ADAMTS3: variants seen among roughly 807,000 people sequenced by gnomAD.
ADAMTS3 encodes the protein A disintegrin and metalloproteinase with thrombospondin motifs 3.
A neutral mutation model predicts 129.0 loss-of-function variants in ADAMTS3; 73 were observed. That is an observed-to-expected ratio of 0.57 (90% CI 0.47 to 0.69). ADAMTS3 has a LOEUF of 0.69. ADAMTS3 is among the 30% of genes least tolerant of loss of function. The pLI is 0.00. For missense variants in ADAMTS3, 1,457 were observed against 1,514.5 expected (o/e 0.96, Z 0.63); for synonymous variants, 477 against 510.8 (o/e 0.93, Z 0.89).
intron 4 of ADAMTS3, among the ~76,000 whole-genome samples, chr4:72,399,873 T>C (rs1208270558): frequency 1.0e-5 from 1 of 95,776 alleles, no homozygotes; most frequent in African/African-American, 4.2e-5. Context: ...TGTGTATATA[T>C]ACACACACGG....
intron 3 of ADAMTS3, among the ~76,000 whole-genome samples, chr4:72,461,936 T>C (rs1718781867): frequency 6.6e-6 from 1 of 151,888 alleles, no homozygotes. Flanking sequence ...TCATCCTTTA[T>C]CGCTCCTTTC....
At chr4:72,519,931 C>T (rs1055990933) in intron 3 of ADAMTS3, among the ~76,000 whole-genome samples, 7 of 152,136 alleles carry the variant, frequency 4.6e-5, no homozygotes, top group Non-Finnish European at 7.4e-5. Context: ...TTAGAGTTTC[C>T]AGTTTTTCTG....
At position 72,473,256 on chromosome 4, in the gene ADAMTS3, C is replaced by T. The variant is rs79499869; in HGVS notation, c.505-58285G>A. Among the ~76,000 whole-genome samples the T allele has an allele frequency of 6.6e-3, 1,009 of 151,954 alleles. 7 individuals carry two copies. Among genetic ancestry groups the T allele is most frequent in the African/African-American group, 0.023 (948 of 41,452 alleles). On this transcript the variant is annotated intron_variant, in intron 3 of 21. Transcript: ENST00000286657. ...CCTTATATATATAACAAACATAAGA[C>T]GACTCTAAAGGTGGAGAGAAGAAGG...
intron 4 of ADAMTS3, among the ~76,000 whole-genome samples, chr4:72,382,366 C>T (rs1721315901): frequency 6.8e-6 from 1 of 146,848 alleles, no homozygotes; most frequent in African/African-American, 2.7e-5. Flanking sequence ...CATAGTAGCT[C>T]CTCCCATAAC....
At chr4:72,366,045 T>A (rs1388320081) in intron 4 of ADAMTS3, among the ~76,000 whole-genome samples, 1 of 152,196 alleles carries the variant, frequency 6.6e-6, no homozygotes. Context: ...TAAGCTTTAA[T>A]GTCACAAAGC....
chr4:72,293,961 C>T (rs1039954455), intron 19 of ADAMTS3, among the ~76,000 whole-genome samples: 19 of 152,050 alleles, frequency 1.2e-4, no homozygotes, highest in African/African-American at 3.4e-4. Context: ...ATGAAAGGTT[C>T]GGCAAGTGCA....
At position 72,341,226 on chromosome 4, in the gene ADAMTS3, A is replaced by G. The variant is rs569469389; in HGVS notation, c.662-1533T>C. On this transcript the variant is annotated intron_variant, in intron 4 of 21. Transcript: ENST00000286657. ...CCTTTAAAAAATATATAGAAACACC[A>G]ATACCCTCCCTTACAAGTAGGGGGA... Among the ~76,000 whole-genome samples the G allele has an allele frequency of 1.1e-4, 17 of 152,286 alleles. No homozygotes were observed. In the South Asian group the frequency reaches 2.5e-3, roughly 22 times the overall value.
At chr4:72,396,326 C>G (rs952979221) in intron 4 of ADAMTS3, among the ~76,000 whole-genome samples, 1 of 151,604 alleles carries the variant, frequency 6.6e-6, no homozygotes, top group Non-Finnish European at 1.5e-5. Context: ...ATAGGAGAAG[C>G]TAAAAAACAG....
At chr4:72,326,712 G>A (rs1444893276) in intron 5 of ADAMTS3, among the ~76,000 whole-genome samples, 1 of 152,028 alleles carries the variant, frequency 6.6e-6, no homozygotes, top group African/African-American at 2.4e-5. Flanking sequence ...AAAAAATTGT[G>A]AGTGTATTTT....
intron 4 of ADAMTS3, among the ~76,000 whole-genome samples, chr4:72,409,303 C>T (rs1722129473): frequency 6.6e-6 from 1 of 152,078 alleles, no homozygotes; most frequent in Admixed American, 6.6e-5. Context: ...GAACTGCTTC[C>T]TCATGAATCA....
At chr4:72,432,510 T>C (rs551620382) in intron 3 of ADAMTS3, among the ~76,000 whole-genome samples, 63 of 152,064 alleles carry the variant, frequency 4.1e-4, no homozygotes, top group Non-Finnish European at 5.4e-4. Context: ...CCCACACTTC[T>C]GTAAACGGTC....
At chr4:72,535,962 C>T (rs1578774290) in intron 3 of ADAMTS3, among the ~76,000 whole-genome samples, 1 of 152,158 alleles carries the variant, frequency 6.6e-6, no homozygotes, top group East Asian at 1.9e-4. Context: ...AAAATTGTGA[C>T]TTACGCCAGG....
intron 3 of ADAMTS3, among the ~76,000 whole-genome samples, chr4:72,448,845 G>A (rs963944711): frequency 1.3e-5 from 2 of 151,514 alleles, no homozygotes; most frequent in Non-Finnish European, 1.5e-5. Flanking sequence ...AGATTTTTCT[G>A]AATTTTGTTC....
intron 5 of ADAMTS3, among the ~76,000 whole-genome samples, chr4:72,331,956 G>C (rs1719863612): frequency 6.6e-6 from 1 of 151,976 alleles, no homozygotes; most frequent in African/African-American, 2.4e-5. Flanking sequence ...TTTGTTGATT[G>C]GTTTATTTTA....
At position 72,319,440 on chromosome 4, in the gene ADAMTS3, C is replaced by G; in HGVS notation, c.1244G>C (p.Cys415Ser). The G allele has an allele frequency of 6.2e-7, 1 of 1,613,908 alleles. No homozygotes were observed. Among genetic ancestry groups the G allele is most frequent in the East Asian group, 2.2e-5 (1 of 44,812 alleles). Residue 415 changes from cysteine to serine, a missense_variant, in exon 9 of 22, where the codon TGT becomes TCT. Transcript: ENST00000286657. Reference protein sequence around the residue: ...GMEHDGQGNRCGDETAMGSVM... With the variant: ...GMEHDGQGNRSGDETAMGSVM... ...ACTTCCCATAGCAGTCTCATCACCACACCTGTTGCCTTGTCCATCATGCTC... is the reference window on the plus strand; with the variant it reads ...ACTTCCCATAGCAGTCTCATCACCAGACCTGTTGCCTTGTCCATCATGCTC...
chr4:72,370,111 G>C (rs1310829798), intron 4 of ADAMTS3, among the ~76,000 whole-genome samples: 1 of 152,132 alleles, frequency 6.6e-6, no homozygotes, highest in Admixed American at 6.5e-5. Context: ...ACCTTTTTGT[G>C]TTCCTAGAGC....
chr4:72,491,277 A>AT (rs1429845053), intron 3 of ADAMTS3, among the ~76,000 whole-genome samples: 3 of 151,484 alleles, frequency 2.0e-5, no homozygotes, highest in Non-Finnish European at 3.0e-5. Context: ...AACAAAGACA[A>AT]TTTTTCTTCT....
chr4:72,514,984 G>C (rs551170182), intron 3 of ADAMTS3, among the ~76,000 whole-genome samples: 2 of 151,238 alleles, frequency 1.3e-5, no homozygotes, highest in Non-Finnish European at 2.9e-5. Context: ...ATCCCTCCCC[G>C]CTACCCCCAC....
intron 9 of ADAMTS3, 29 bp from the exon 10 acceptor site, chr4:72,318,733 T>A (rs1719467853): frequency 1.3e-6 from 2 of 1,598,650 alleles, no homozygotes; most frequent in Non-Finnish European, 1.7e-6. Context: ...TGCATGTAGT[T>A]AAATGTTCAC....
Sources: allele counts gnomAD v4.1 joint callset (sites outside exome capture counted in the v4.1 genomes callset), GRCh38; gene constraint gnomAD v4.1.1; transcripts MANE v1.5; gene names NCBI Gene and HGNC (gene_info 2026-07-23, HGNC 2026-07-21).